HECW2: variants seen among roughly 807,000 people sequenced by gnomAD.
HECW2 encodes E3 ubiquitin-protein ligase HECW2.
In HECW2, 61 loss-of-function variants were observed where a neutral mutation model predicts 175.2. The ratio of observed to expected loss-of-function variants is 0.35; its 90% CI spans 0.28 to 0.43. The LOEUF (loss-of-function observed/expected upper bound fraction) is 0.43. Among genes scored for constraint, HECW2 ranks in the 20% least tolerant of loss-of-function variants. The probability of loss-of-function intolerance (pLI) is 1.00; values close to 1 mark genes in which losing one functional copy is unlikely to be tolerated. For missense variants in HECW2, 1,524 were observed against 2,000.5 expected (o/e 0.76, Z 4.54); for synonymous variants, 671 against 731.0 (o/e 0.92, Z 1.32).
chr2:196,417,450 TA>T (rs1379683360), intron 2 of HECW2, among the ~76,000 whole-genome samples: 4 of 152,178 alleles, frequency 2.6e-5, no homozygotes, highest in Non-Finnish European at 5.9e-5. Flanking sequence ...TATTTTTAAT[TA>T]AAAAAATTTT....
At chr2:196,205,559 C>T (rs1687037246) in intron 28 of HECW2, among the ~76,000 whole-genome samples, 1 of 152,140 alleles carries the variant, frequency 6.6e-6, no homozygotes, top group Non-Finnish European at 1.5e-5. Flanking sequence ...CCAGAAAACC[C>T]TGAAAAATAC....
intron 21 of HECW2, among the ~76,000 whole-genome samples, chr2:196,234,596 C>T (rs1688173988): frequency 6.6e-6 from 1 of 151,930 alleles, no homozygotes; most frequent in Non-Finnish European, 1.5e-5. Context: ...TGCCTAGCAT[C>T]TAGGTAACTT....
chr2:196,328,823 C>G (rs1450506413), intron 5 of HECW2, among the ~76,000 whole-genome samples: 1 of 152,044 alleles, frequency 6.6e-6, no homozygotes, highest in Non-Finnish European at 1.5e-5. Context: ...AATTTATTTT[C>G]TAAAATCAGT....
rs752274004 is a variant in HECW2, at chr2:196,319,699, C to T, written c.1191G>A (p.Glu397=). 3.1e-6 allele frequency: 5 copies of T among 1,614,200 alleles called. No individual in the cohort carries two copies. In the East Asian group the frequency reaches 6.7e-5, roughly 22 times the overall value. ...TCCTTGAAGACGTAGAGGTTAATTC[C>T]TCTGTGTCTATTTCCAGAGTGGAGC... ...RTSSTLEIDT[E]ELTSTSSRTS... is the part of the protein sequence containing the mutation. Residue 397 remains glutamate (E), a synonymous_variant, in exon 9 of 29, where the codon GAG becomes GAA. Transcript: ENST00000644978.
chr2:196,352,103 C>T lies in HECW2; in HGVS notation c.293-8339G>A, dbSNP rs1025247889. Reference sequence around the variant, plus strand: ...CTAGGAGAATTCACTGGCAAACTTCCTTATGAATTTGCAAACTTAGCATTA... The same window carrying T: ...CTAGGAGAATTCACTGGCAAACTTCTTTATGAATTTGCAAACTTAGCATTA... On this transcript the variant is annotated intron_variant, in intron 2 of 28. Coordinates refer to ENST00000644978, the MANE Select transcript of HECW2 (RefSeq NM_001348768.2). Among the ~76,000 whole-genome samples, 7 of 152,300 alleles carry T rather than the reference C, an allele frequency of 4.6e-5. No homozygotes were observed. The South Asian group carries it at 1.5e-3, about 32-fold the overall frequency.
At position 196,561,843 on chromosome 2, in the gene HECW2, A is replaced by G. The variant is rs112783458; in HGVS notation, c.-36+31665T>C. Among the ~76,000 whole-genome samples, 620 of 152,262 alleles carry G rather than the reference A, an allele frequency of 4.1e-3. 2 individuals are homozygous for G. Among genetic ancestry groups the G allele is most frequent in the Middle Eastern group, 0.02 (6 of 294 alleles). On this transcript the variant is annotated intron_variant, in intron 1 of 28. Coordinates refer to ENST00000644978, the MANE Select transcript of HECW2 (RefSeq NM_001348768.2). ...ATTAGGAGGAAAGGTAGATTCTGAGACTCACAGAGCCTGATGTCCTACCCT... is the reference window on the plus strand; with the variant it reads ...ATTAGGAGGAAAGGTAGATTCTGAGGCTCACAGAGCCTGATGTCCTACCCT...
At chr2:196,270,254 T>G (rs928726306) in intron 17 of HECW2, among the ~76,000 whole-genome samples, 1 of 151,808 alleles carries the variant, frequency 6.6e-6, no homozygotes, top group Non-Finnish European at 1.5e-5. Context: ...CACAGTGGAG[T>G]TGAAAGATTT....
chr2:196,285,701 T>C (rs1690361380), intron 14 of HECW2, among the ~76,000 whole-genome samples: 1 of 152,208 alleles, frequency 6.6e-6, no homozygotes, highest in Admixed American at 6.5e-5. Flanking sequence ...AGACTCTTTG[T>C]CACAAATAGT....
At chr2:196,270,468 C>T (rs952288692) in intron 17 of HECW2, among the ~76,000 whole-genome samples, 1 of 152,166 alleles carries the variant, frequency 6.6e-6, no homozygotes, top group Non-Finnish European at 1.5e-5. Context: ...AGATTCCCTA[C>T]TTAGGTTCTA....
At chr2:196,577,863 A>T (rs1690616538) in intron 1 of HECW2, among the ~76,000 whole-genome samples, 1 of 152,238 alleles carries the variant, frequency 6.6e-6, no homozygotes, top group Non-Finnish European at 1.5e-5. Flanking sequence ...TCTGAAGTCA[A>T]TAAATAAACA....
intron 2 of HECW2, among the ~76,000 whole-genome samples, chr2:196,413,929 T>C (rs891795514): frequency 6.6e-6 from 1 of 152,128 alleles, no homozygotes; most frequent in African/African-American, 2.4e-5. Flanking sequence ...GATGACCTCA[T>C]TTCCATCACC....
chr2:196,264,465 A>G (rs1309061802), intron 17 of HECW2, among the ~76,000 whole-genome samples: 1 of 152,232 alleles, frequency 6.6e-6, no homozygotes, highest in African/African-American at 2.4e-5. Context: ...TCATGATTGA[A>G]CCACTTATTA....
chr2:196,308,492 T>C lies in HECW2; in HGVS notation c.2435-407A>G, dbSNP rs1691356293. On this transcript the variant is annotated intron_variant, in intron 10 of 28. Transcript: ENST00000644978. ...TTCTCCATGTCTTTTCTAGCTTCAA[T>C]GAAAGCCTCATAGCTGGAGACTTCC... 2.0e-5 allele frequency among the ~76,000 whole-genome samples: 3 copies of C among 152,318 alleles called. No individual in the cohort carries two copies. The South Asian group carries it at 6.2e-4, about 32-fold the overall frequency.
intron 1 of HECW2, among the ~76,000 whole-genome samples, chr2:196,533,043 G>T (rs986650192): frequency 3.9e-5 from 6 of 152,148 alleles, no homozygotes; most frequent in Non-Finnish European, 5.9e-5. Context: ...AATTTTTCTG[G>T]TGTGGAGACC....
chr2:196,220,506 A>G (rs1000159523), intron 25 of HECW2, among the ~76,000 whole-genome samples: 4 of 152,232 alleles, frequency 2.6e-5, no homozygotes, highest in African/African-American at 9.6e-5. Context: ...AGATTTGATT[A>G]CCCATATCTA....
intron 2 of HECW2, among the ~76,000 whole-genome samples, chr2:196,408,757 A>T (rs1480028977): frequency 4.6e-5 from 7 of 152,212 alleles, no homozygotes. Flanking sequence ...ATTTTTTATC[A>T]CATGTTAAGT....
At chr2:196,478,455 G>C (rs1424440197) in intron 1 of HECW2, among the ~76,000 whole-genome samples, 2 of 152,124 alleles carry the variant, frequency 1.3e-5, no homozygotes, top group African/African-American at 4.8e-5. Context: ...TAGCTTTGCA[G>C]TCACTGTTAT....
chr2:196,458,189 G>C (rs979869657), intron 1 of HECW2, among the ~76,000 whole-genome samples: 17 of 152,226 alleles, frequency 1.1e-4, no homozygotes, highest in South Asian at 8.3e-4. Flanking sequence ...AGGATCACTT[G>C]AGCCCAGGAG....
At chr2:196,462,683 C>T (rs1368589448) in intron 1 of HECW2, among the ~76,000 whole-genome samples, 2 of 151,794 alleles carry the variant, frequency 1.3e-5, no homozygotes, top group Non-Finnish European at 2.9e-5. Context: ...AGCACCCACC[C>T]CTCCCCCCGA....
Sources: allele counts gnomAD v4.1 joint callset (sites outside exome capture counted in the v4.1 genomes callset), GRCh38; gene constraint gnomAD v4.1.1; transcripts MANE v1.5; gene names NCBI Gene and HGNC (gene_info 2026-07-23, HGNC 2026-07-21).